Variants in BICC1 observed in about 807,000 individuals in gnomAD.
BICC1 encodes BicC family RNA binding protein 1, also known as protein bicaudal C homolog 1.
BICC1 carries 43 observed loss-of-function variants against 111.0 expected under a neutral mutation model. The ratio of observed to expected loss-of-function variants is 0.39; its 90% CI spans 0.30 to 0.50. BICC1 has a LOEUF of 0.50. BICC1 is among the 20% of genes least tolerant of loss of function. BICC1 has a pLI of 0.88. For missense variants in BICC1, 1,091 were observed against 1,203.2 expected, an observed-to-expected ratio of 0.91 and a Z score of 1.38; for synonymous variants, 467 against 434.4, an observed-to-expected ratio of 1.07 and a Z score of -0.93.
chr10:58,633,284 A>C (rs1043803912), intron 2 of BICC1, among the ~76,000 whole-genome samples: 7 of 152,208 alleles, frequency 4.6e-5, no homozygotes, highest in Non-Finnish European at 7.3e-5. Flanking sequence ...TCTTTGATAA[A>C]TTACCCGGTC....
chr10:58,692,034 T>G (rs770483935), intron 2 of BICC1, among the ~76,000 whole-genome samples: 5 of 152,192 alleles, frequency 3.3e-5, no homozygotes, highest in African/African-American at 7.2e-5. Flanking sequence ...TGATACTTAT[T>G]GAGATCCTAT....
chr10:58,592,557 A>AG (rs1844656190), intron 1 of BICC1, among the ~76,000 whole-genome samples: 1 of 8,634 alleles, frequency 1.2e-4, no homozygotes, highest in African/African-American at 2.3e-4. Context: ...CTAAAAATAC[A>AG]AAAATTAGAT....
At chr10:58,659,420 A>T (rs1184611904) in intron 2 of BICC1, among the ~76,000 whole-genome samples, 1 of 152,236 alleles carries the variant, frequency 6.6e-6, no homozygotes, top group Non-Finnish European at 1.5e-5. Flanking sequence ...GAACAAGATT[A>T]TATTCTTTGC....
chr10:58,726,980 A>T (rs1841126991), intron 3 of BICC1, among the ~76,000 whole-genome samples: 1 of 152,168 alleles, frequency 6.6e-6, no homozygotes, highest in Non-Finnish European at 1.5e-5. Flanking sequence ...ATATAGGTGG[A>T]TGGAAGATTG....
At chr10:58,651,180 A>C (rs1261493132) in intron 2 of BICC1, among the ~76,000 whole-genome samples, 2 of 152,210 alleles carry the variant, frequency 1.3e-5, no homozygotes, top group East Asian at 3.9e-4. Flanking sequence ...CTCTTCTCTA[A>C]GGGAGATTTT....
At chr10:58,531,692 A>G (rs893585453) in intron 1 of BICC1, among the ~76,000 whole-genome samples, 1 of 151,890 alleles carries the variant, frequency 6.6e-6, no homozygotes, top group Non-Finnish European at 1.5e-5. Flanking sequence ...TAAAATGAGA[A>G]TATCAATTAA....
chr10:58,619,771 G>T (rs918919028), intron 1 of BICC1, among the ~76,000 whole-genome samples: 11 of 152,118 alleles, frequency 7.2e-5, no homozygotes, highest in African/African-American at 2.7e-4. Context: ...CAAAATTATG[G>T]TAGATGCTTG....
chr10:58,759,257 G>A (rs1246921006), intron 3 of BICC1, among the ~76,000 whole-genome samples: 1 of 152,016 alleles, frequency 6.6e-6, no homozygotes, highest in South Asian at 2.1e-4. Context: ...ACCACACCTG[G>A]CCTGATCATT....
intron 1 of BICC1, among the ~76,000 whole-genome samples, chr10:58,581,835 TA>T (rs951015110): frequency 9.7e-4 from 148 of 152,082 alleles, no homozygotes; most frequent in African/African-American, 2.8e-3. Context: ...TTCAGAAGAT[TA>T]AAAAAAATAC....
At chr10:58,648,369 G>A (rs995583927) in intron 2 of BICC1, 6 of 258,414 alleles carry the variant, frequency 2.3e-5, no homozygotes, top group African/African-American at 1.4e-4. Flanking sequence ...TGTTTTTTGT[G>A]TTCACCTATG....
chr10:58,809,057 C>G (rs1340791813), intron 17 of BICC1, among the ~76,000 whole-genome samples: 1 of 151,808 alleles, frequency 6.6e-6, no homozygotes, highest in African/African-American at 2.4e-5. Context: ...GAGTCTCACT[C>G]TGTCACACAG....
intron 18 of BICC1, 167 bp downstream of exon 18, chr10:58,814,153 C>G: frequency 1.3e-6 from 1 of 780,350 alleles, no homozygotes. Flanking sequence ...AGCAGGCCAC[C>G]TGGTTCTCTT....
At chr10:58,554,853 A>G (rs1564485740) in intron 1 of BICC1, among the ~76,000 whole-genome samples, 1 of 121,778 alleles carries the variant, frequency 8.2e-6, no homozygotes, top group Non-Finnish European at 1.9e-5. Context: ...GGTATAATAA[A>G]TTCTGTTATA....
intron 3 of BICC1, among the ~76,000 whole-genome samples, chr10:58,736,504 C>A (rs1382223790): frequency 6.6e-6 from 1 of 152,124 alleles, no homozygotes; most frequent in African/African-American, 2.4e-5. Context: ...TACCAAATAT[C>A]TAAGGTGAGT....
chr10:58,645,803 G>A (rs1838252505), intron 2 of BICC1, among the ~76,000 whole-genome samples: 1 of 152,164 alleles, frequency 6.6e-6, no homozygotes, highest in South Asian at 2.1e-4. Context: ...AAGTTGAATA[G>A]AAACTATATA....
At chr10:58,544,727 T>C (rs191656950) in intron 1 of BICC1, among the ~76,000 whole-genome samples, 310 of 152,278 alleles carry the variant, frequency 2.0e-3, no homozygotes, top group African/African-American at 7.1e-3. Context: ...CATACATACA[T>C]ACATGTGTAT....
chr10:58,578,132 CAAT>C (rs1844166001), intron 1 of BICC1, among the ~76,000 whole-genome samples: 1 of 152,146 alleles, frequency 6.6e-6, no homozygotes, highest in South Asian at 2.1e-4. Context: ...GGGGTAAAGA[CAAT>C]TAACATTTTC....
chr10:58,822,302 C>A (rs1025609854), intron 20 of BICC1, among the ~76,000 whole-genome samples: 1 of 151,902 alleles, frequency 6.6e-6, no homozygotes, highest in Admixed American at 6.6e-5. Context: ...GTGTCCCAAC[C>A]CAATTCTGAA....
chr10:58,580,941 C>T (rs984680922), intron 1 of BICC1, among the ~76,000 whole-genome samples: 3 of 151,930 alleles, frequency 2.0e-5, no homozygotes, highest in Admixed American at 6.6e-5. Flanking sequence ...TATGTGACAA[C>T]CTTTGTATTT....
Sources: gnomAD v4.1 joint callset for allele counts (sites outside exome capture counted in the v4.1 genomes callset) on GRCh38, gnomAD v4.1.1 for gene constraint, MANE v1.5 for transcripts, NCBI Gene and HGNC (gene_info 2026-07-23, HGNC 2026-07-21) for gene names.